ZNF385D: variants seen among roughly 807,000 people sequenced by gnomAD.
ZNF385D encodes the protein zinc finger protein 659.
A neutral mutation model predicts 35.8 loss-of-function variants in ZNF385D; 15 were observed. The ratio of observed to expected loss-of-function variants is 0.42; its 90% confidence interval spans 0.28 to 0.64. The LOEUF (loss-of-function observed/expected upper bound fraction) is 0.64, where lower values mean the gene tolerates loss of function less well. Among genes scored for constraint, ZNF385D ranks in the 30% least tolerant of loss-of-function variants. ZNF385D has a pLI of 0.23. For missense variants in ZNF385D, 474 were observed against 494.6 expected (o/e 0.96, Z 0.39); for synonymous variants, 212 against 186.8 (o/e 1.13, Z -1.10).
At chr3:22,034,377 C>A (rs1698189986) in intron 3 of ZNF385D, among the ~76,000 whole-genome samples, 1 of 152,106 alleles carries the variant, frequency 6.6e-6, no homozygotes. Context: ...CTGATTTCAA[C>A]TTCCAGCCTC....
intron 3 of ZNF385D, among the ~76,000 whole-genome samples, chr3:22,048,502 G>C (rs1025716372): frequency 2.6e-5 from 4 of 152,178 alleles, no homozygotes; most frequent in Admixed American, 6.5e-5. Context: ...TGAAGGGACT[G>C]TCCCTTCCCT....
chr3:22,332,269 G>T (rs189266125), intron 2 of ZNF385D, among the ~76,000 whole-genome samples: 1 of 152,016 alleles, frequency 6.6e-6, no homozygotes, highest in African/African-American at 2.4e-5. Context: ...CTAGAACTAC[G>T]GTAGCAGGTT....
At chr3:22,096,059 G>A (rs575658385) in intron 3 of ZNF385D, among the ~76,000 whole-genome samples, 1 of 152,066 alleles carries the variant, frequency 6.6e-6, no homozygotes, top group South Asian at 2.1e-4. Context: ...ATGTAGAAAT[G>A]TGAAGCAGAA....
chr3:22,137,145 T>C (rs1450475421), intron 3 of ZNF385D, among the ~76,000 whole-genome samples: 1 of 152,182 alleles, frequency 6.6e-6, no homozygotes, highest in Non-Finnish European at 1.5e-5. Flanking sequence ...GATCTTTCTG[T>C]GTTTTTTACT....
intron 3 of ZNF385D, among the ~76,000 whole-genome samples, chr3:21,788,957 C>CA (rs1183349272): frequency 6.6e-6 from 1 of 151,318 alleles, no homozygotes; most frequent in Non-Finnish European, 1.5e-5. Context: ...GACAGAAGAA[C>CA]AAAAAAAGAA....
At chr3:21,758,341 C>T (rs553175729) in intron 3 of ZNF385D, among the ~76,000 whole-genome samples, 1 of 152,286 alleles carries the variant, frequency 6.6e-6, no homozygotes, top group Non-Finnish European at 1.5e-5. Context: ...GTGATTGGAA[C>T]ATGCCATTAA....
intron 3 of ZNF385D, chr3:21,942,740 C>A (rs1480425700): frequency 3.9e-5 from 6 of 152,174 alleles, no homozygotes; most frequent in African/African-American, 1.4e-4. Flanking sequence ...CACAAACTGT[C>A]AGGGGAAACA....
intron 3 of ZNF385D, among the ~76,000 whole-genome samples, chr3:22,146,966 A>T (rs1008633212): frequency 7.9e-5 from 12 of 152,216 alleles, no homozygotes; most frequent in Non-Finnish European, 1.8e-4. Context: ...AACAGAAAAT[A>T]ACAGTAAGCT....
chr3:21,826,436 G>A (rs1405699262), intron 3 of ZNF385D, among the ~76,000 whole-genome samples: 3 of 152,128 alleles, frequency 2.0e-5, no homozygotes, highest in East Asian at 3.9e-4. Flanking sequence ...GACACTAGTT[G>A]GAAGAAATAT....
At chr3:22,148,855 A>G (rs1417811136) in intron 3 of ZNF385D, among the ~76,000 whole-genome samples, 1 of 152,190 alleles carries the variant, frequency 6.6e-6, no homozygotes, top group Non-Finnish European at 1.5e-5. Context: ...ATTGCTTCCT[A>G]AAGAAAGATA....
intron 3 of ZNF385D, among the ~76,000 whole-genome samples, chr3:21,995,444 C>T (rs528901619): frequency 5.9e-5 from 9 of 152,064 alleles, no homozygotes; most frequent in Non-Finnish European, 1.3e-4. Context: ...AGATGACATG[C>T]TTGGGCACTG....
At chr3:21,973,156 G>A (rs1034436266) in intron 3 of ZNF385D, among the ~76,000 whole-genome samples, 2 of 151,598 alleles carry the variant, frequency 1.3e-5, no homozygotes, top group East Asian at 1.9e-4. Context: ...ACACTGACGC[G>A]AATTTCCTCA....
At chr3:21,423,319 G>T (rs1700831470) in intron 7 of ZNF385D, among the ~76,000 whole-genome samples, 1 of 152,144 alleles carries the variant, frequency 6.6e-6, no homozygotes, top group Non-Finnish European at 1.5e-5. Context: ...TTGTATAAAT[G>T]TTTCAAAATG....
chr3:22,142,911 T>G (rs911522069), intron 3 of ZNF385D, among the ~76,000 whole-genome samples: 6 of 152,142 alleles, frequency 3.9e-5, no homozygotes, highest in South Asian at 4.2e-4. Flanking sequence ...ACCCTCACTA[T>G]TAACAGTCCC....
At chr3:22,125,326 C>G (rs1351571662) in intron 3 of ZNF385D, among the ~76,000 whole-genome samples, 1 of 152,020 alleles carries the variant, frequency 6.6e-6, no homozygotes, top group Non-Finnish European at 1.5e-5. Context: ...AGCTCTGTAG[C>G]ATAACTTGAA....
chr3:21,724,058 T>C (rs2068652063), intron 1 of ZNF385D, among the ~76,000 whole-genome samples: 1 of 152,072 alleles, frequency 6.6e-6, no homozygotes, highest in South Asian at 2.1e-4. Flanking sequence ...CTAAGCTTCA[T>C]AAGCAAAGGA....
At chr3:21,727,697 A>T (rs1419229626) in intron 1 of ZNF385D, among the ~76,000 whole-genome samples, 1 of 152,144 alleles carries the variant, frequency 6.6e-6, no homozygotes. Flanking sequence ...GAGAAATAGG[A>T]ACACTTACAC....
intron 3 of ZNF385D, among the ~76,000 whole-genome samples, chr3:21,939,713 C>A (rs642045): frequency 0.19 from 28,855 of 151,996 alleles, 3,460 homozygotes; most frequent in East Asian, 0.4. Context: ...TAACTGATGC[C>A]ATGAGATTAT....
chr3:21,827,936 C>A lies in ZNF385D; in HGVS notation c.326-162908G>T, dbSNP rs75957450. Among the ~76,000 whole-genome samples the A allele has an allele frequency of 6.7e-3, 1,026 of 152,238 alleles. 6 individuals are homozygous for A. The highest frequency in any genetic ancestry group is 0.023 in the African/African-American group (944 of 41,560). On this transcript the variant is annotated intron_variant, in intron 3 of 5. Coordinates refer to the ZNF385D transcript ENST00000494108. ...GCTTAACATATTGTGAGCAATTAAT[C>A]TTCAACTAGGAATCTACCTGGATAA...
Sources: allele counts gnomAD v4.1 joint callset (sites outside exome capture counted in the v4.1 genomes callset), GRCh38; gene constraint gnomAD v4.1.1; transcripts MANE v1.5; gene names NCBI Gene and HGNC (gene_info 2026-07-23, HGNC 2026-07-21).